The following GLIS3 variants were observed in gnomAD, a reference collection of about 807,000 sequenced individuals.
GLIS3 encodes GLIS family zinc finger 3.
Under a neutral mutation model 78.6 loss-of-function variants are expected in GLIS3, and 53 were observed. That is an observed-to-expected ratio of 0.67 (90% CI 0.54 to 0.85). The LOEUF (loss-of-function observed/expected upper bound fraction) is 0.85. Ranked by LOEUF, GLIS3 falls within the 40% of genes least tolerant of loss-of-function variation. The pLI is 0.00. For missense variants in GLIS3, 1,703 were observed against 1,231.1 expected (o/e 1.38, Z -5.74); for synonymous variants, 684 against 509.9 (o/e 1.34, Z -4.60).
At chr9:3,837,769 G>T (rs1216583171) in intron 9 of GLIS3, among the ~76,000 whole-genome samples, 1 of 152,204 alleles carries the variant, frequency 6.6e-6, no homozygotes, top group Non-Finnish European at 1.5e-5. Context: ...CACAGGTTGG[G>T]GGGAGGGAAG....
At chr9:4,329,926 CATG>C (rs1426930289) in intron 2 of GLIS3, among the ~76,000 whole-genome samples, 6 of 152,142 alleles carry the variant, frequency 3.9e-5, no homozygotes, top group East Asian at 1.9e-4. Flanking sequence ...ATGAATGCAG[CATG>C]ATATTATATT....
intron 6 of GLIS3, among the ~76,000 whole-genome samples, chr9:3,907,418 T>G (rs1009409318): frequency 1.3e-5 from 2 of 152,170 alleles, no homozygotes; most frequent in Non-Finnish European, 2.9e-5. Context: ...CTTTCGTAAT[T>G]TACTTTCCTA....
chr9:4,362,752 T>A, the GLIS3 span, among the ~76,000 whole-genome samples: 1 of 152,200 alleles, frequency 6.6e-6, no homozygotes, highest in Non-Finnish European at 1.5e-5. Flanking sequence ...GCCCAGCTTT[T>A]GGTGCATCAT....
At chr9:4,190,906 A>G (rs549365288) in intron 2 of GLIS3, among the ~76,000 whole-genome samples, 22 of 152,350 alleles carry the variant, frequency 1.4e-4, no homozygotes, top group African/African-American at 4.8e-4. Flanking sequence ...AGAATTTTCA[A>G]CCCAGAATTT....
At chr9:4,344,482 C>A (rs1224263192) in intron 2 of GLIS3, among the ~76,000 whole-genome samples, 2 of 152,180 alleles carry the variant, frequency 1.3e-5, no homozygotes, top group Admixed American at 6.5e-5. Context: ...CTGCCTCCTC[C>A]TCTCACCTCT....
At chr9:4,152,766 T>C (rs1834776493) in intron 2 of GLIS3, among the ~76,000 whole-genome samples, 1 of 152,174 alleles carries the variant, frequency 6.6e-6, no homozygotes, top group South Asian at 2.1e-4. Context: ...TTATATACCA[T>C]CAATTATAAG....
At chr9:4,394,878 T>A in the GLIS3 span, among the ~76,000 whole-genome samples, 2 of 152,258 alleles carry the variant, frequency 1.3e-5, no homozygotes, top group Non-Finnish European at 2.9e-5. Flanking sequence ...AATATCTTTA[T>A]ACTTGGAGAC....
At chr9:4,300,951 C>A (rs150502608), upstream of GLIS3, among the ~76,000 whole-genome samples, 1 of 152,148 alleles carries the variant, frequency 6.6e-6, no homozygotes, top group Non-Finnish European at 1.5e-5. Context: ...CTTAGAATTT[C>A]ACAAGTCCTT....
At chr9:3,884,833 C>T (rs1164197067) in intron 7 of GLIS3, among the ~76,000 whole-genome samples, 1 of 152,084 alleles carries the variant, frequency 6.6e-6, no homozygotes, top group South Asian at 2.1e-4. Flanking sequence ...TGACCCAGAA[C>T]ACCACCCTAT....
chr9:4,287,750 G>T (rs191467308), intron 1 of GLIS3, among the ~76,000 whole-genome samples: 1 of 152,118 alleles, frequency 6.6e-6, no homozygotes, highest in Non-Finnish European at 1.5e-5. Flanking sequence ...ATCGAGAAAA[G>T]GCTATCAAGG....
At chr9:4,104,473 A>G (rs534097156) in intron 4 of GLIS3, among the ~76,000 whole-genome samples, 2 of 152,282 alleles carry the variant, frequency 1.3e-5, no homozygotes, top group Middle Eastern at 3.4e-3. Context: ...CTCAATTCTA[A>G]GAGGTTTGGT....
chr9:3,860,289 A>G (rs1041469138), intron 8 of GLIS3, among the ~76,000 whole-genome samples: 5 of 146,598 alleles, frequency 3.4e-5, no homozygotes, highest in African/African-American at 1.3e-4. Flanking sequence ...AAAAAAAAAA[A>G]AAAAAAAAAA....
At chr9:4,332,483 A>C (rs938760354) in intron 2 of GLIS3, among the ~76,000 whole-genome samples, 4 of 152,194 alleles carry the variant, frequency 2.6e-5, no homozygotes, top group Non-Finnish European at 5.9e-5. Flanking sequence ...TCACAAAACC[A>C]CTTACTTTTG....
intron 2 of GLIS3, among the ~76,000 whole-genome samples, chr9:4,187,926 A>T (rs888063822): frequency 6.6e-6 from 1 of 152,034 alleles, no homozygotes; most frequent in African/African-American, 2.4e-5. Flanking sequence ...TAGATATACA[A>T]TCATGTCATC....
intron 4 of GLIS3, among the ~76,000 whole-genome samples, chr9:4,024,893 G>C (rs1219187126): frequency 1.3e-5 from 2 of 152,158 alleles, no homozygotes; most frequent in African/African-American, 4.8e-5. Flanking sequence ...CCACAGGGCA[G>C]TAATCATGCC....
intron 5 of GLIS3, among the ~76,000 whole-genome samples, chr9:3,934,822 G>A (rs1006754326): frequency 2.6e-5 from 4 of 152,120 alleles, no homozygotes; most frequent in Admixed American, 6.5e-5. Flanking sequence ...GGACTGGTAT[G>A]CCAAAAAAGT....
Position 3,828,299 on chromosome 9 carries a change from C to T in GLIS3, c.2766G>A (p.Gln922=). 6.2e-7 allele frequency: 1 copy of T among 1,614,154 alleles called. No individual in the cohort carries two copies. Among genetic ancestry groups the T allele is most frequent in the East Asian group, 2.2e-5 (1 of 44,880 alleles). ...AGCCTTCGGTGTAGACAGAGGAGAG[C>T]TGGCTAGGACAGCGGTCCACGGTGC... ...QISTVDRCPS[Q]LSSVYTEG is the part of the protein sequence containing the mutation. The change falls in exon 11 of 11, where the codon CAG becomes CAA. Residue 922 remains glutamine, a synonymous_variant. Transcript: ENST00000381971.
chr9:3,934,593 G>C (rs912587778), intron 5 of GLIS3, among the ~76,000 whole-genome samples: 1 of 152,160 alleles, frequency 6.6e-6, no homozygotes, highest in African/African-American at 2.4e-5. Context: ...ATTTTTAGTA[G>C]AGATGGCGTT....
intron 6 of GLIS3, among the ~76,000 whole-genome samples, chr9:3,925,938 A>C (rs1321569020): frequency 6.6e-6 from 1 of 152,186 alleles, no homozygotes; most frequent in East Asian, 1.9e-4. Flanking sequence ...TGCAGTTTCC[A>C]AGAACCTACT....
Sources: allele counts gnomAD v4.1 joint callset (sites outside exome capture counted in the v4.1 genomes callset), GRCh38; gene constraint gnomAD v4.1.1; transcripts MANE v1.5; gene names NCBI Gene and HGNC (gene_info 2026-07-23, HGNC 2026-07-21).